NDUFV1: variants seen among roughly 807,000 people sequenced by gnomAD.
The protein encoded by NDUFV1 is NADH dehydrogenase [ubiquinone] flavoprotein 1, mitochondrial.
Under a neutral mutation model 48.7 loss-of-function variants are expected in NDUFV1, and 41 were observed. The observed-to-expected ratio is 0.84, with a 90% CI of 0.66 to 1.09. The LOEUF is 1.09. Among genes scored for constraint, NDUFV1 ranks in the 50% least tolerant of loss-of-function variants. The pLI is 0.00. For synonymous variants in NDUFV1, 231 were observed against 259.1 expected, an observed-to-expected ratio of 0.89 and a Z score of 1.04; for missense variants, 580 against 645.4, an observed-to-expected ratio of 0.90 and a Z score of 1.10.
intron 1 of NDUFV1, among the ~76,000 whole-genome samples, chr11:67,607,855 C>G (rs929127890): frequency 6.6e-6 from 1 of 152,190 alleles, no homozygotes; most frequent in Admixed American, 6.5e-5. Context: ...CAGAGAAAAT[C>G]GTTCCTATCA....
At position 67,611,388 on chromosome 11, in the gene NDUFV1, G is replaced by A. The variant is rs1854912191; in HGVS notation, c.914-15G>A. On this transcript the variant is annotated splice_polypyrimidine_tract_variant and intron_variant, in intron 6 of 9. Coordinates refer to ENST00000322776, the MANE Select transcript of NDUFV1 (RefSeq NM_007103.4). This position sits in a 1 kb window ranked among gnomAD's most constrained non-coding sequence, Gnocchi z 4.2. ...CTGACCATGCATCCCTTTGGGGACC[G>A]ACTTGGGGCCCCAGGGGGTGTCACG... The A allele has an allele frequency of 1.9e-6, 3 of 1,612,344 alleles. No homozygotes were observed. Among genetic ancestry groups the A allele is most frequent in the African/African-American group, 1.3e-5 (1 of 74,872 alleles).
chr11:67,612,463 C>G lies in NDUFV1; in HGVS notation c.*5C>G, dbSNP rs1565226474. On this transcript the variant is annotated 3_prime_UTR_variant, in exon 10 of 10. Transcript: ENST00000322776. This position sits in a 1 kb window ranked among gnomAD's most constrained non-coding sequence, Gnocchi z 4.4. ...GCCCGGCAGGCTGCCTCTTAGCCCA[C>G]CACCCTGGCCTGCTGTCCTGCGTCT... 1 of 1,610,660 alleles carries G rather than the reference C, an allele frequency of 6.2e-7. No individual in the cohort carries two copies. Among genetic ancestry groups the G allele is most frequent in the Non-Finnish European group, 8.5e-7 (1 of 1,179,380 alleles).
intron 4 of NDUFV1, 109 bp from the exon 5 acceptor site, chr11:67,610,272 C>G: frequency 1.6e-6 from 2 of 1,284,392 alleles, no homozygotes. Flanking sequence ...ATACCAGGAG[C>G]ATTAGGAGCT....
rs371312746 is a variant in NDUFV1 at position 67,610,655 on chromosome 11, T to G, written c.700+85T>G. 2.9e-5 allele frequency: 44 copies of G among 1,541,378 alleles called. No homozygotes were observed. The South Asian group carries it at 3.5e-4, about 12-fold the overall frequency. On this transcript the variant is annotated intron_variant, in intron 5 of 9. Transcript: ENST00000322776. Reference sequence around the variant, plus strand: ...GCTCCCTTTGGATTGTTCTTAGGGATTTCTGAGTGGCTTCCCGGCTGGGGC... The same window carrying G: ...GCTCCCTTTGGATTGTTCTTAGGGAGTTCTGAGTGGCTTCCCGGCTGGGGC...
At chr11:67,608,024 C>T (rs1049603196) in intron 1 of NDUFV1, among the ~76,000 whole-genome samples, 2 of 151,940 alleles carry the variant, frequency 1.3e-5, no homozygotes, top group African/African-American at 2.4e-5. Context: ...GTCAGGAGTT[C>T]GAGACCAGCC....
chr11:67,611,153 A>G lies in NDUFV1; in HGVS notation c.859A>G (p.Thr287Ala). 1.9e-6 allele frequency: 3 copies of G among 1,614,186 alleles called. No homozygotes were observed. The highest frequency in any genetic ancestry group is 1.7e-6 in the Non-Finnish European group (2 of 1,180,022). The change falls in exon 6 of 10, where the codon ACT becomes GCT. Residue 287 changes from threonine (T) to alanine (A), a missense_variant. Coordinates refer to ENST00000322776, the MANE Select transcript of NDUFV1 (RefSeq NM_007103.4). This position sits in a 1 kb window ranked among gnomAD's most constrained non-coding sequence, Gnocchi z 4.2. ...CTCTGGCCATGTCAACCACCCTTGCACTGTGGAGGAGGAGATGTCTGTGCC... is the reference window on the plus strand; with the variant it reads ...CTCTGGCCATGTCAACCACCCTTGCGCTGTGGAGGAGGAGATGTCTGTGCC... ...NISGHVNHPC[T>A]VEEEMSVPLK...
intron 1 of NDUFV1, chr11:67,607,491 C>T: frequency 2.1e-6 from 1 of 466,372 alleles, no homozygotes; most frequent in Non-Finnish European, 4.3e-6. Context: ...CCGTCGCCCT[C>T]AGCTGGTGCG....
intron 4 of NDUFV1, chr11:67,609,900 C>G: frequency 2.2e-6 from 1 of 455,968 alleles, no homozygotes; most frequent in South Asian, 3.1e-5. Context: ...AAGAAAAAAC[C>G]TAAGTGGAAC....
rs1389357497 is a variant in NDUFV1, at chr11:67,607,089, C to G, written c.72+13C>G. 3.7e-6 allele frequency: 6 copies of G among 1,602,112 alleles called. No homozygotes were observed. The highest frequency in any genetic ancestry group is 5.1e-6 in the Non-Finnish European group (6 of 1,177,870). On this transcript the variant is annotated intron_variant, in intron 1 of 9. Coordinates refer to ENST00000322776, the MANE Select transcript of NDUFV1 (RefSeq NM_007103.4). The stretch of plus-strand genomic sequence containing the variant: ...CAGCGGCGACACGGTGAGGCCCAGC[C>G]TGGCTGGGGCCACGGGTGTTTGGGG...
chr11:67,608,196 A>G, intron 1 of NDUFV1, 200 bp from the exon 2 acceptor site: 4 of 611,192 alleles, frequency 6.5e-6, no homozygotes, highest in Non-Finnish European at 1.2e-5. Context: ...ACTGCACTCC[A>G]GCCTAGGCAA....
intron 5 of NDUFV1, 195 bp from the exon 6 acceptor site, chr11:67,610,800 G>A: frequency 2.6e-6 from 2 of 776,888 alleles, no homozygotes; most frequent in Non-Finnish European, 4.2e-6. Flanking sequence ...CACAGTGCCT[G>A]TTCTGAGGCT....
intron 1 of NDUFV1, 23 bp from the exon 2 acceptor site, chr11:67,608,373 C>T (rs774918728): frequency 1.0e-5 from 16 of 1,606,972 alleles, no homozygotes; most frequent in South Asian, 3.3e-5. Context: ...CACTCTGGGC[C>T]TCCTGACCCT....
At position 67,611,458 on chromosome 11, in the gene NDUFV1, T is replaced by C. The variant is rs1591111334; in HGVS notation, c.969T>C (p.Ser323=). The change falls in exon 7 of 10, where the codon TCT becomes TCC. Residue 323 remains serine (S), a synonymous_variant. Transcript: ENST00000322776. The surrounding 1 kb of genome is among the most constrained non-coding windows in gnomAD (Gnocchi z 4.2). ...NLLAVIPGGS[S]TPLIPKSVCE... is the part of the protein sequence containing the mutation. ...TTGCTGTGATCCCTGGCGGCTCGTCTACCCCACTGATCCCCAAGTCTGTGT... is the reference window on the plus strand; with the variant it reads ...TTGCTGTGATCCCTGGCGGCTCGTCCACCCCACTGATCCCCAAGTCTGTGT... 1 of 1,614,168 alleles carries C rather than the reference T, an allele frequency of 6.2e-7. No individual in the cohort carries two copies.
In NDUFV1 at chr11:67,611,248, T is replaced by A; in HGVS notation, c.913+41T>A. ...AGCCAGGTGGTGGGGGGGTGCGCAG[T>A]GGGGGCAGGTGTCCACAAAGAGAGC... On this transcript the variant is annotated intron_variant, in intron 6 of 9. Coordinates refer to ENST00000322776, the MANE Select transcript of NDUFV1 (RefSeq NM_007103.4). The surrounding 1 kb of genome is among the most constrained non-coding windows in gnomAD (Gnocchi z 4.2). 1 of 1,385,064 alleles carries A rather than the reference T, an allele frequency of 7.2e-7. No homozygotes were observed. The highest frequency in any genetic ancestry group is 1.0e-6 in the Non-Finnish European group (1 of 977,324). The allele number at this position is 1,385,064 out of a possible 1,614,324, so 85.8% of individuals were successfully genotyped here. A position where few individuals can be genotyped will look rare whatever the true frequency, so the allele number is the denominator to read the frequency against.
Position 67,612,352 on chromosome 11 carries a change from G to A in NDUFV1, c.1309-20G>A, listed in dbSNP as rs371102587. The A allele has an allele frequency of 5.6e-6, 9 of 1,613,640 alleles. No individual in the cohort carries two copies. The African/African-American group carries it at 1.2e-4, about 22-fold the overall frequency. ...GGGATTTTTGGACTCTGTTTCACAT[G>A]GTCCCCCCACCGACCCCAGGGTCTG... On this transcript the variant is annotated intron_variant, in intron 9 of 9. Transcript: ENST00000322776. The surrounding 1 kb of genome is among the most constrained non-coding windows in gnomAD (Gnocchi z 4.4).
intron 4 of NDUFV1, 64 bp downstream of exon 4, chr11:67,609,699 C>A: frequency 6.4e-7 from 1 of 1,560,894 alleles, no homozygotes; most frequent in South Asian, 1.1e-5. Context: ...ACCCCTCACC[C>A]AGCACAGTTG....
Position 67,612,354 on chromosome 11 carries a change from T to TC in NDUFV1, c.1309-12dup, listed in dbSNP as rs752738788. ...GATTTTTGGACTCTGTTTCACATGG[T>TC]CCCCCCACCGACCCCAGGGTCTGAT... On this transcript the variant is annotated splice_polypyrimidine_tract_variant and intron_variant, in intron 9 of 9. Coordinates refer to ENST00000322776, the MANE Select transcript of NDUFV1 (RefSeq NM_007103.4). This position sits in a 1 kb window ranked among gnomAD's most constrained non-coding sequence, Gnocchi z 4.4. 6.8e-6 allele frequency: 11 copies of TC among 1,613,210 alleles called. No individual in the cohort carries two copies. The highest frequency in any genetic ancestry group is 6.7e-5 in the Admixed American group (4 of 60,010).
rs1016182863 is a variant in NDUFV1, at chr11:67,607,026, C to T, written c.22C>T (p.Leu8Phe). The change falls in exon 1 of 10, where the codon CTC (leucine) becomes TTC (phenylalanine). Residue 8 changes from leucine (L) to phenylalanine (F), a missense_variant. Coordinates refer to ENST00000322776, the MANE Select transcript of NDUFV1 (RefSeq NM_007103.4). MLATRRL[L>F]GWSLPARVSV... The stretch of plus-strand genomic sequence containing the variant: ...CGCGATGCTGGCAACACGGCGGCTG[C>T]TCGGCTGGTCGCTTCCCGCGCGGGT... 3 of 1,609,640 alleles carry T rather than the reference C, an allele frequency of 1.9e-6. No homozygotes were observed. The highest frequency in any genetic ancestry group is 2.5e-6 in the Non-Finnish European group (3 of 1,179,088).
chr11:67,611,591 C>T lies in NDUFV1; in HGVS notation c.1080+22C>T. Reference sequence around the variant, plus strand: ...CTCGGTAAGGGTTCACACACCAGCCCTGGTCCCTGCCCTCCTGGTTGCTGT... The same window carrying T: ...CTCGGTAAGGGTTCACACACCAGCCTTGGTCCCTGCCCTCCTGGTTGCTGT... On this transcript the variant is annotated intron_variant, in intron 7 of 9. Coordinates refer to ENST00000322776, the MANE Select transcript of NDUFV1 (RefSeq NM_007103.4). The surrounding 1 kb of genome is among the most constrained non-coding windows in gnomAD (Gnocchi z 4.2). The T allele has an allele frequency of 6.3e-7, 1 of 1,591,300 alleles. No homozygotes were observed. The highest frequency in any genetic ancestry group is 8.6e-7 in the Non-Finnish European group (1 of 1,168,702).
Sources: allele counts gnomAD v4.1 joint callset (sites outside exome capture counted in the v4.1 genomes callset), GRCh38; gene constraint gnomAD v4.1.1; non-coding constraint Gnocchi (gnomAD v3.1); transcripts MANE v1.5; gene names NCBI Gene and HGNC (gene_info 2026-07-23, HGNC 2026-07-21).